Variants in SCNN1B observed in about 807,000 individuals in gnomAD.
The protein encoded by SCNN1B is sodium channel epithelial 1 subunit beta, also known as epithelial sodium channel subunit beta.
A neutral mutation model predicts 65.3 loss-of-function variants in SCNN1B; 46 were observed. That is an observed-to-expected ratio of 0.70 (90% confidence interval 0.56 to 0.90). The LOEUF is 0.90. SCNN1B is among the 40% of genes least tolerant of loss of function. SCNN1B has a pLI of 0.00. For synonymous variants in SCNN1B, 349 were observed against 330.6 expected (o/e 1.06, Z -0.60); for missense variants, 751 against 830.5 (o/e 0.90, Z 1.18).
intron 4 of SCNN1B, among the ~76,000 whole-genome samples, chr16:23,362,848 T>A (rs1962580081): frequency 6.6e-6 from 1 of 152,196 alleles, no homozygotes; most frequent in Non-Finnish European, 1.5e-5. Flanking sequence ...TGGATTGAGC[T>A]GGTTTGCTCT....
rs753802362 is a variant in SCNN1B, at chr16:23,346,200, C to CTTTTTTTTTTTTTTTTTTT, written c.-8-2381_-8-2363dup. ...CCATGGAACACCCTTTTTTCCTTTT[C>CTTTTTTTTTTTTTTTTTTT]TTTTTTTTTTTTTTTTTTTTTTTTT... On this transcript the variant is annotated intron_variant, in intron 1 of 12. Coordinates refer to ENST00000343070, the MANE Select transcript of SCNN1B (RefSeq NM_000336.3). Among the ~76,000 whole-genome samples, 85 of 78,014 alleles carry CTTTTTTTTTTTTTTTTTTT rather than the reference C, an allele frequency of 1.1e-3. 9 individuals carry two copies. Among genetic ancestry groups the CTTTTTTTTTTTTTTTTTTT allele is most frequent in the East Asian group, 1.4e-3 (4 of 2,872 alleles). The allele number at this position is 78,014 out of a possible 152,430, so 51.2% of individuals were successfully genotyped here.
chr16:23,349,700 T>G (rs152730), intron 2 of SCNN1B, among the ~76,000 whole-genome samples: 82,470 of 152,022 alleles, frequency 0.54, 25,720 homozygotes, highest in African/African-American at 0.85. Context: ...ATACAACAGT[T>G]AACAAAACAG....
At chr16:23,343,082 TA>T (rs1962085552) in intron 1 of SCNN1B, among the ~76,000 whole-genome samples, 1 of 152,184 alleles carries the variant, frequency 6.6e-6, no homozygotes. Flanking sequence ...ATGCAAAAAC[TA>T]ACTTCAAATG....
In SCNN1B at chr16:23,353,024, G is replaced by A; in HGVS notation, c.535G>A (p.Ala179Thr). ...DNHNGLTSSS[A>T]SEKICNAHGC... ...CCACAATGGCTTAACAAGCAGCTCA[G>A]CATCAGAAAAGATCTGTAATGCCCA... Residue 179 changes from alanine to threonine, a missense_variant, in exon 3 of 13, where the codon GCA becomes ACA. Coordinates refer to ENST00000343070, the MANE Select transcript of SCNN1B (RefSeq NM_000336.3). 1 of 1,614,178 alleles carries A rather than the reference G, an allele frequency of 6.2e-7. No individual in the cohort carries two copies. The highest frequency in any genetic ancestry group is 8.5e-7 in the Non-Finnish European group (1 of 1,180,038).
At chr16:23,297,005 A>C (rs1222104858) in intron 2 of SCNN1B, among the ~76,000 whole-genome samples, 3 of 148,968 alleles carry the variant, frequency 2.0e-5, no homozygotes, top group Non-Finnish European at 4.5e-5. Context: ...AAAAAAAAAA[A>C]AAGAGAGAGA....
rs144035705 is a variant in SCNN1B, at chr16:23,357,196, G to A, written c.776+1707G>A. 5.9e-5 allele frequency among the ~76,000 whole-genome samples: 9 copies of A among 152,314 alleles called. No homozygotes were observed. In the East Asian group the frequency reaches 1.7e-3, roughly 29 times the overall value. On this transcript the variant is annotated intron_variant, in intron 4 of 12. Transcript: ENST00000343070. ...ACAGGCTTCCAAGCTCACCTCCGAG[G>A]GACTGGGGTTGCAGGCAGCTCTCTG...
At chr16:23,349,879 C>G (rs1962272954) in intron 2 of SCNN1B, among the ~76,000 whole-genome samples, 1 of 152,058 alleles carries the variant, frequency 6.6e-6, no homozygotes, top group Non-Finnish European at 1.5e-5. Context: ...GGGCAGATTA[C>G]TCGAGGTCAG....
At chr16:23,343,414 C>T (rs1395020920) in intron 1 of SCNN1B, among the ~76,000 whole-genome samples, 2 of 149,382 alleles carry the variant, frequency 1.3e-5, no homozygotes, top group Non-Finnish European at 3.0e-5. Context: ...GTCACGCGAT[C>T]GCACTCCAGC....
At chr16:23,360,191 C>T (rs1422926603) in intron 4 of SCNN1B, among the ~76,000 whole-genome samples, 1 of 123,602 alleles carries the variant, frequency 8.1e-6, no homozygotes, top group African/African-American at 3.1e-5. Context: ...GAGCGAGACT[C>T]CATCTCAAAA....
Position 23,336,828 on chromosome 16 carries a change from T to A in SCNN1B, c.-8-11764T>A, listed in dbSNP as rs567535684. On this transcript the variant is annotated intron_variant, in intron 1 of 12. Transcript: ENST00000343070. ...TTCATAGTAGTGCCTAGGAGGAAGT[T>A]GAGTTTATTTTAGCCAAAAATAAAA... Among the ~76,000 whole-genome samples, 21 of 152,194 alleles carry A rather than the reference T, an allele frequency of 1.4e-4. 2 individuals carry two copies. Among genetic ancestry groups the A allele is most frequent in the Admixed American group, 1.4e-3 (21 of 15,278 alleles).
At chr16:23,328,353 T>C (rs887747090) in intron 1 of SCNN1B, among the ~76,000 whole-genome samples, 4 of 152,174 alleles carry the variant, frequency 2.6e-5, no homozygotes, top group African/African-American at 7.2e-5. Flanking sequence ...CAAGAGTGAG[T>C]CAACTTAAAG....
intron 1 of SCNN1B, among the ~76,000 whole-genome samples, chr16:23,306,276 G>T (rs79303185): frequency 0.034 from 5,104 of 151,744 alleles, 271 homozygotes; most frequent in African/African-American, 0.12. Context: ...CAAGCAAATT[G>T]TTTAGCATTT....
Position 23,348,913 on chromosome 16 carries a change from A to G in SCNN1B, c.311+3A>G, listed in dbSNP as rs1962249075. The G allele has an allele frequency of 6.2e-7, 1 of 1,614,032 alleles. No homozygotes were observed. The highest frequency in any genetic ancestry group is 8.5e-7 in the Non-Finnish European group (1 of 1,179,922). On this transcript the variant is annotated splice_donor_region_variant and intron_variant, in intron 2 of 12. Coordinates refer to ENST00000343070, the MANE Select transcript of SCNN1B (RefSeq NM_000336.3). This position sits in a 1 kb window ranked among gnomAD's most constrained non-coding sequence, Gnocchi z 4.5. ...ATCTGCAATGCTAGCCCCTTCAAGT[A>G]GGTGGCCCCGGAGTGCACAGCTGGC...
intron 4 of SCNN1B, among the ~76,000 whole-genome samples, chr16:23,365,620 A>AGAGAGAGAAAGAAAGAAAG (rs11399911): frequency 2.5e-5 from 2 of 80,502 alleles, no homozygotes; most frequent in South Asian, 4.5e-4. Flanking sequence ...AAAGAAAGAA[A>AGAGAGAGAAAGAAAGAAAG]AAAGAAAGAA....
chr16:23,327,305 G>A (rs1961717003), intron 1 of SCNN1B, among the ~76,000 whole-genome samples: 1 of 151,986 alleles, frequency 6.6e-6, no homozygotes, highest in South Asian at 2.1e-4. Flanking sequence ...GCCAAGACAG[G>A]CAGATCACCT....
intron 7 of SCNN1B, chr16:23,372,214 C>A (rs537329712): frequency 3.1e-5 from 13 of 422,192 alleles, no homozygotes; most frequent in Middle Eastern, 7.5e-4. Flanking sequence ...AAATGCTGTG[C>A]GAAGGGCTGG....
At chr16:23,305,570 A>ATATAT (rs1961193492) in intron 1 of SCNN1B, among the ~76,000 whole-genome samples, 1 of 30,658 alleles carries the variant, frequency 3.3e-5, no homozygotes, top group Non-Finnish European at 5.3e-5. Flanking sequence ...ATATATATAT[A>ATATAT]TATATATTAT....
intron 7 of SCNN1B, among the ~76,000 whole-genome samples, chr16:23,373,357 G>T (rs183062816): frequency 6.6e-6 from 1 of 152,088 alleles, no homozygotes; most frequent in African/African-American, 2.4e-5. Context: ...TGAACTCCTG[G>T]GCTCAAGCAA....
intron 4 of SCNN1B, among the ~76,000 whole-genome samples, chr16:23,363,969 C>T (rs983262106): frequency 1.8e-4 from 28 of 152,066 alleles, no homozygotes; most frequent in African/African-American, 6.8e-4. Flanking sequence ...GAGTTCAAGA[C>T]CAGCCTGACT....
Sources: allele counts gnomAD v4.1 joint callset (sites outside exome capture counted in the v4.1 genomes callset), GRCh38; gene constraint gnomAD v4.1.1; non-coding constraint Gnocchi (gnomAD v3.1); transcripts MANE v1.5; gene names NCBI Gene and HGNC (gene_info 2026-07-23, HGNC 2026-07-21).